The following CDK15 variants were observed in gnomAD, a reference collection of about 807,000 sequenced individuals.
CDK15 encodes the protein cyclin-dependent kinase 15.
A neutral mutation model predicts 60.3 loss-of-function variants in CDK15; 62 were observed. That is an observed-to-expected ratio of 1.03 (90% CI 0.84 to 1.27). The LOEUF (loss-of-function observed/expected upper bound fraction) is 1.27. CDK15 is among the 50% of genes most tolerant of loss of function. The probability of loss-of-function intolerance (pLI) is 0.00; values close to 1 mark genes in which losing one functional copy is unlikely to be tolerated. For synonymous variants in CDK15, 194 were observed against 195.7 expected (o/e 0.99, Z 0.07); for missense variants, 541 against 527.8 (o/e 1.03, Z -0.25).
At chr2:201,872,046 G>A (rs1035427821) in intron 10 of CDK15, among the ~76,000 whole-genome samples, 1 of 151,936 alleles carries the variant, frequency 6.6e-6, no homozygotes, top group Non-Finnish European at 1.5e-5. Flanking sequence ...TTGGGGTTAG[G>A]ACTTCAACAT....
intron 6 of CDK15, among the ~76,000 whole-genome samples, chr2:201,826,458 CAAA>C (rs373198183): frequency 5.1e-5 from 4 of 78,204 alleles, no homozygotes; most frequent in Non-Finnish European, 8.8e-5. Context: ...GACTGCGTCT[CAAA>C]AAAAAAAAAA....
intron 13 of CDK15, among the ~76,000 whole-genome samples, chr2:201,892,859 G>A (rs1000038113): frequency 3.3e-5 from 5 of 152,180 alleles, no homozygotes; most frequent in East Asian, 1.9e-4. Flanking sequence ...TTAGGACTTC[G>A]TAACTGGCAG....
chr2:201,879,548 T>G (rs1699198217), intron 11 of CDK15, among the ~76,000 whole-genome samples: 1 of 152,050 alleles, frequency 6.6e-6, no homozygotes, highest in Non-Finnish European at 1.5e-5. Context: ...CCCAGCTAAT[T>G]TTTATGTTTT....
chr2:201,835,882 T>G, intron 8 of CDK15, 119 bp downstream of exon 8: 2 of 309,938 alleles, frequency 6.5e-6, no homozygotes, highest in Non-Finnish European at 4.8e-6. Context: ...TTATATATAT[T>G]TATATTTATA....
chr2:201,890,615 A>G (rs1574948178), intron 12 of CDK15, among the ~76,000 whole-genome samples, 170 bp from the exon 13 acceptor site: 1 of 152,378 alleles, frequency 6.6e-6, no homozygotes, highest in Non-Finnish European at 1.5e-5. Context: ...CTTGCCAACT[A>G]TTGGATTCAG....
chr2:201,854,820 A>G, intron 9 of CDK15, 54 bp from the exon 10 acceptor site: 1 of 1,504,454 alleles, frequency 6.6e-7, no homozygotes, highest in Non-Finnish European at 9.3e-7. Flanking sequence ...TACCTCTTCC[A>G]TCCACCTCAT....
chr2:201,828,297 T>A (rs766546523), intron 6 of CDK15, among the ~76,000 whole-genome samples: 17 of 77,596 alleles, frequency 2.2e-4, no homozygotes, highest in Admixed American at 9.0e-4. Flanking sequence ...CACATAGAGT[T>A]TAGAAGACAA....
chr2:201,873,404 T>C (rs1698936041), intron 11 of CDK15, among the ~76,000 whole-genome samples: 1 of 152,198 alleles, frequency 6.6e-6, no homozygotes, highest in Non-Finnish European at 1.5e-5. Flanking sequence ...ATAGTCAGGC[T>C]CCTTCCCCTC....
At chr2:201,840,483 C>A (rs1016035616) in intron 8 of CDK15, among the ~76,000 whole-genome samples, 1 of 152,168 alleles carries the variant, frequency 6.6e-6, no homozygotes, top group East Asian at 1.9e-4. Flanking sequence ...TAAGACTGCT[C>A]ATTATTCCTT....
chr2:201,881,964 G>T (rs557001265), intron 12 of CDK15, among the ~76,000 whole-genome samples: 2 of 152,148 alleles, frequency 1.3e-5, no homozygotes, highest in South Asian at 4.2e-4. Context: ...CCTCCTTTAG[G>T]ATCTGTTATT....
chr2:201,808,275 C>T (rs978311783), intron 3 of CDK15, among the ~76,000 whole-genome samples: 3 of 152,308 alleles, frequency 2.0e-5, no homozygotes, highest in South Asian at 2.1e-4. Context: ...GTGGGAGGCA[C>T]AGTTGGTAAA....
chr2:201,822,848 T>C lies in CDK15; in HGVS notation c.488T>C (p.Leu163Pro), dbSNP rs757484525. 1.2e-6 allele frequency: 2 copies of C among 1,613,392 alleles called. No homozygotes were observed. Among genetic ancestry groups the C allele is most frequent in the Non-Finnish European group, 8.5e-7 (1 of 1,179,376 alleles). ...LKGLKHANIV[L>P]LHDIIHTKET... ...GGTTTGAAACATGCCAATATTGTGCTCCTGCATGACATAATCCACACCAAA... is the reference window on the plus strand; with the variant it reads ...GGTTTGAAACATGCCAATATTGTGCCCCTGCATGACATAATCCACACCAAA... The change falls in exon 5 of 14, where the codon CTC becomes CCC. Residue 163 changes from leucine (L) to proline (P), a missense_variant. Coordinates refer to ENST00000652192, the MANE Select transcript of CDK15 (RefSeq NM_001366386.2).
chr2:201,892,122 C>G (rs1488024718), intron 13 of CDK15, among the ~76,000 whole-genome samples: 3 of 152,156 alleles, frequency 2.0e-5, no homozygotes, highest in Non-Finnish European at 4.4e-5. Flanking sequence ...TATAGCTGAT[C>G]CTCAGAGCAT....
intron 6 of CDK15, among the ~76,000 whole-genome samples, chr2:201,826,423 C>T (rs950825744): frequency 2.3e-4 from 32 of 136,448 alleles, no homozygotes; most frequent in Non-Finnish European, 3.8e-4. Context: ...CGCGCCACTG[C>T]ACTCCAGCCT....
At chr2:201,807,999 C>T (rs1451753027) in intron 3 of CDK15, 47 bp downstream of exon 3, 16 of 1,501,782 alleles carry the variant, frequency 1.1e-5, no homozygotes, top group Non-Finnish European at 1.5e-5. Context: ...AGAGTCCCGC[C>T]CCCCCAATTT....
At position 201,880,217 on chromosome 2, in the gene CDK15, T is replaced by A. The variant is rs1469724142; in HGVS notation, c.1198+50T>A. ...GCGTGAGTGCATGTGCGTGAGTGCG[T>A]GTGTGTGTAAGTCTTGGTGTCTTAA... On this transcript the variant is annotated intron_variant, in intron 12 of 13. Transcript: ENST00000652192. 3 of 1,594,518 alleles carry A rather than the reference T, an allele frequency of 1.9e-6. No individual in the cohort carries two copies. The Admixed American group carries it at 5.2e-5, about 28-fold the overall frequency.
intron 12 of CDK15, among the ~76,000 whole-genome samples, chr2:201,883,544 C>A (rs1399953060): frequency 6.6e-6 from 1 of 152,240 alleles, no homozygotes; most frequent in Non-Finnish European, 1.5e-5. Context: ...TCCTTTTGGA[C>A]AGCACCTGAA....
In CDK15 at chr2:201,873,398, T is replaced by C. The variant is rs1698935765; in HGVS notation, c.1058+1072T>C. 1.3e-5 allele frequency among the ~76,000 whole-genome samples: 2 copies of C among 152,322 alleles called. 1 individual carries two copies. Among genetic ancestry groups the C allele is most frequent in the South Asian group, 4.1e-4 (2 of 4,826 alleles). ...ACTTCATTCAAGACGTGCAGTATAGTCAGGCTCCTTCCCCTCTACCTAGAG... is the reference window on the plus strand; with the variant it reads ...ACTTCATTCAAGACGTGCAGTATAGCCAGGCTCCTTCCCCTCTACCTAGAG... On this transcript the variant is annotated intron_variant, in intron 11 of 13. Transcript: ENST00000652192.
chr2:201,861,213 T>C, intron 10 of CDK15: 1 of 1,015,060 alleles, frequency 9.9e-7, no homozygotes, highest in Non-Finnish European at 1.2e-6. Flanking sequence ...GGAGAAATCC[T>C]ATCATTGTAA....
Sources: allele counts gnomAD v4.1 joint callset (sites outside exome capture counted in the v4.1 genomes callset), GRCh38; gene constraint gnomAD v4.1.1; transcripts MANE v1.5; gene names NCBI Gene and HGNC (gene_info 2026-07-23, HGNC 2026-07-21).